Variants in NRG3 observed in about 807,000 individuals in gnomAD.
NRG3 encodes neuregulin 3.
A neutral mutation model predicts 66.9 loss-of-function variants in NRG3; 31 were observed. The ratio of observed to expected loss-of-function variants is 0.46; its 90% CI spans 0.35 to 0.63. The LOEUF (loss-of-function observed/expected upper bound fraction) is 0.63, where lower values mean the gene tolerates loss of function less well. Ranked by LOEUF, NRG3 falls within the 20% of genes least tolerant of loss-of-function variation. The pLI is 0.00. For missense variants in NRG3, 910 were observed against 878.9 expected (o/e 1.04, Z -0.45); for synonymous variants, 393 against 359.4 (o/e 1.09, Z -1.06).
chr10:82,784,834 A>G (rs1369985464), intron 3 of NRG3, among the ~76,000 whole-genome samples: 3 of 152,062 alleles, frequency 2.0e-5, no homozygotes, highest in African/African-American at 7.2e-5. Context: ...ATACCATTTG[A>G]CCCAGCCATC....
rs1565349414 is a variant in NRG3, at chr10:82,819,762, G to A, written c.1028-45649G>A. ...AGTTCCATAAGAAGGAGAAGGTTATGTAAGACCTTATTGTGGGCTTTACAT... is the reference window on the plus strand; with the variant it reads ...AGTTCCATAAGAAGGAGAAGGTTATATAAGACCTTATTGTGGGCTTTACAT... On this transcript the variant is annotated intron_variant, in intron 3 of 8. Transcript: ENST00000372141. Among the ~76,000 whole-genome samples the A allele has an allele frequency of 1.3e-5, 2 of 152,156 alleles. 1 individual carries two copies. Among genetic ancestry groups the A allele is most frequent in the South Asian group, 4.1e-4 (2 of 4,830 alleles).
chr10:81,935,227 A>C, intron 1 of NRG3, among the ~76,000 whole-genome samples: 1 of 152,178 alleles, frequency 6.6e-6, no homozygotes, highest in East Asian at 1.9e-4. Flanking sequence ...TTTGGCACTA[A>C]GTATAATTAT....
intron 1 of NRG3, among the ~76,000 whole-genome samples, chr10:81,973,749 T>C (rs1258080610): frequency 6.6e-6 from 1 of 152,144 alleles, no homozygotes; most frequent in African/African-American, 2.4e-5. Flanking sequence ...ACTTTTTTTA[T>C]GGGGTTGTTT....
chr10:82,269,999 A>C (rs951403128), intron 1 of NRG3, among the ~76,000 whole-genome samples: 2 of 152,146 alleles, frequency 1.3e-5, no homozygotes, highest in African/African-American at 4.8e-5. Flanking sequence ...GGGACGATTA[A>C]AGTATCTACC....
At chr10:82,870,416 G>T (rs1841229490) in intron 4 of NRG3, among the ~76,000 whole-genome samples, 1 of 152,128 alleles carries the variant, frequency 6.6e-6, no homozygotes, top group African/African-American at 2.4e-5. Flanking sequence ...CTTTTGTATA[G>T]AAATAAATTT....
chr10:82,909,827 A>G (rs1297224023), intron 4 of NRG3, among the ~76,000 whole-genome samples: 3 of 152,242 alleles, frequency 2.0e-5, no homozygotes, highest in African/African-American at 7.2e-5. Flanking sequence ...TAGAACACAG[A>G]AAGTCAAGCT....
At chr10:82,602,830 C>T (rs971901611) in intron 2 of NRG3, among the ~76,000 whole-genome samples, 6 of 152,164 alleles carry the variant, frequency 3.9e-5, no homozygotes, top group Non-Finnish European at 5.9e-5. Flanking sequence ...AGCCAACACA[C>T]CTTGGCCATT....
chr10:82,301,686 C>CTATATATATATATATATATATATATATA (rs60882154), intron 1 of NRG3, among the ~76,000 whole-genome samples: 65 of 137,642 alleles, frequency 4.7e-4, no homozygotes, highest in Middle Eastern at 3.8e-3. Context: ...ACATATATTC[C>CTATATATATATATATATATATATATATA]TATATATATA....
At chr10:82,133,877 A>AT (rs1459087886) in intron 1 of NRG3, among the ~76,000 whole-genome samples, 1 of 152,154 alleles carries the variant, frequency 6.6e-6, no homozygotes, top group Non-Finnish European at 1.5e-5. Context: ...GTACACTTCC[A>AT]TCAAGAGTGT....
chr10:82,881,225 T>C (rs1192251696), intron 4 of NRG3, among the ~76,000 whole-genome samples: 2 of 152,246 alleles, frequency 1.3e-5, no homozygotes, highest in African/African-American at 4.8e-5. Flanking sequence ...TAAAGCCAAG[T>C]TCCTATTGTG....
At chr10:82,042,521 G>T (rs538657860) in intron 1 of NRG3, among the ~76,000 whole-genome samples, 2 of 152,068 alleles carry the variant, frequency 1.3e-5, no homozygotes, top group South Asian at 4.1e-4. Flanking sequence ...TGGTGCTACT[G>T]TATTTTTCCC....
intron 1 of NRG3, among the ~76,000 whole-genome samples, chr10:81,918,382 GTTA>G (rs1189495325): frequency 6.6e-6 from 1 of 152,140 alleles, no homozygotes; most frequent in Non-Finnish European, 1.5e-5. Context: ...ATATCTCTCT[GTTA>G]TATGGGCAGA....
At chr10:82,047,084 A>G (rs1259523509) in intron 1 of NRG3, among the ~76,000 whole-genome samples, 9 of 151,580 alleles carry the variant, frequency 5.9e-5, no homozygotes, top group Non-Finnish European at 1.3e-4. Flanking sequence ...CTGGCCTCAT[A>G]AAATGAGTTA....
At chr10:82,024,007 A>C (rs1330798887) in intron 1 of NRG3, among the ~76,000 whole-genome samples, 2 of 151,988 alleles carry the variant, frequency 1.3e-5, no homozygotes, top group Non-Finnish European at 2.9e-5. Context: ...TGAGACTTTT[A>C]ATTGTAGCTT....
At chr10:82,675,484 A>G (rs1243218305) in intron 2 of NRG3, among the ~76,000 whole-genome samples, 1 of 152,200 alleles carries the variant, frequency 6.6e-6, no homozygotes, top group Non-Finnish European at 1.5e-5. Flanking sequence ...TCTTAGGTTC[A>G]ATAATAGTGA....
Position 82,942,373 on chromosome 10 carries a change from A to G in NRG3, c.1055-9096A>G, listed in dbSNP as rs574441284. Among the ~76,000 whole-genome samples, 5 of 152,324 alleles carry G rather than the reference A, an allele frequency of 3.3e-5. No homozygotes were observed. In the South Asian group the frequency reaches 1.0e-3, roughly 32 times the overall value. On this transcript the variant is annotated intron_variant, in intron 4 of 8. Transcript: ENST00000372141. Reference sequence around the variant, plus strand: ...AACAAGTTTCTATGGAGAGACTTTGAGAATTTTATACTGTTGCAGTTTCCA... The same window carrying G: ...AACAAGTTTCTATGGAGAGACTTTGGGAATTTTATACTGTTGCAGTTTCCA...
At chr10:82,849,019 A>G (rs1025901413) in intron 3 of NRG3, among the ~76,000 whole-genome samples, 2 of 152,224 alleles carry the variant, frequency 1.3e-5, no homozygotes, top group Non-Finnish European at 2.9e-5. Flanking sequence ...ATGGGCTAAT[A>G]CAAGTCCTAA....
chr10:82,007,285 C>T (rs1408091507), intron 1 of NRG3, among the ~76,000 whole-genome samples: 1 of 149,030 alleles, frequency 6.7e-6, no homozygotes, highest in Non-Finnish European at 1.5e-5. Flanking sequence ...TCTTGGCTCA[C>T]TGCAACCTCC....
chr10:82,761,944 CTTTCT>C (rs1565287264), intron 3 of NRG3, among the ~76,000 whole-genome samples: 4 of 129,754 alleles, frequency 3.1e-5, no homozygotes, highest in Non-Finnish European at 3.3e-5. Flanking sequence ...TTCTTTCTTT[CTTTCT>C]TTCTTTCTTT....
Sources: allele counts gnomAD v4.1 joint callset (sites outside exome capture counted in the v4.1 genomes callset), GRCh38; gene constraint gnomAD v4.1.1; transcripts MANE v1.5; gene names NCBI Gene and HGNC (gene_info 2026-07-23, HGNC 2026-07-21).